TXNDC8: variants seen among roughly 807,000 people sequenced by gnomAD.
TXNDC8 encodes thioredoxin domain-containing protein 8.
In TXNDC8, 15 loss-of-function variants were observed where a neutral mutation model predicts 12.9. The ratio of observed to expected loss-of-function variants is 1.16; its 90% CI spans 0.78 to 1.79. TXNDC8 has a LOEUF of 1.79. Ranked by LOEUF, TXNDC8 falls within the 40% of genes most tolerant of loss-of-function variation. The probability of loss-of-function intolerance (pLI) is 0.00; values close to 1 mark genes in which losing one functional copy is unlikely to be tolerated. For missense variants in TXNDC8, 128 were observed against 113.2 expected, an observed-to-expected ratio of 1.13 and a Z score of -0.59; for synonymous variants, 40 against 35.4, an observed-to-expected ratio of 1.13 and a Z score of -0.46.
In TXNDC8 at chr9:110,331,870, GA is replaced by G. The variant is rs1186637992; in HGVS notation, c.129+2345del. Among the ~76,000 whole-genome samples, 7 of 152,158 alleles carry G rather than the reference GA, an allele frequency of 4.6e-5. No homozygotes were observed. The South Asian group carries it at 1.4e-3, about 32-fold the overall frequency. ...CACCTCCTGCTGTGTGGCCAGTTCC[GA>G]ATAGGCCATGCACCTGTGGAGTGGT... On this transcript the variant is annotated intron_variant, in intron 2 of 4. Transcript: ENST00000423740.
chr9:110,310,361 C>A (rs1587955191), intron 3 of TXNDC8, among the ~76,000 whole-genome samples: 1 of 152,092 alleles, frequency 6.6e-6, no homozygotes, highest in Admixed American at 6.5e-5. Flanking sequence ...CTGCTTTTCA[C>A]CTGAGTTGTT....
intron 1 of TXNDC8, among the ~76,000 whole-genome samples, chr9:110,336,478 T>C (rs529269175): frequency 6.6e-6 from 1 of 152,332 alleles, no homozygotes; most frequent in East Asian, 1.9e-4. Context: ...AGTTGTTGTT[T>C]GGGTGTGAGC....
At chr9:110,311,628 A>G (rs1321732768) in intron 3 of TXNDC8, among the ~76,000 whole-genome samples, 4 of 133,768 alleles carry the variant, frequency 3.0e-5, no homozygotes, top group Non-Finnish European at 6.2e-5. Flanking sequence ...TAATAGATAT[A>G]TATATCTCCA....
intron 3 of TXNDC8, among the ~76,000 whole-genome samples, chr9:110,324,438 CT>C (rs1438166900): frequency 6.6e-6 from 1 of 152,186 alleles, no homozygotes; most frequent in African/African-American, 2.4e-5. Context: ...AATTCTGCAG[CT>C]AGCATATCCA....
At chr9:110,317,123 G>T (rs74996672) in intron 3 of TXNDC8, among the ~76,000 whole-genome samples, 1 of 152,130 alleles carries the variant, frequency 6.6e-6, no homozygotes, top group African/African-American at 2.4e-5. Flanking sequence ...ATCTAATGTC[G>T]TGGGAATTCA....
intron 2 of TXNDC8, among the ~76,000 whole-genome samples, chr9:110,330,744 G>T (rs1309687573): frequency 6.6e-6 from 1 of 152,170 alleles, no homozygotes; most frequent in African/African-American, 2.4e-5. Context: ...ACTGGATTTT[G>T]CACTACAGCA....
downstream of TXNDC8, among the ~76,000 whole-genome samples, chr9:110,302,634 GT>G (rs369362259): frequency 1.7e-3 from 245 of 140,254 alleles, 1 homozygote; most frequent in South Asian, 0.023. Context: ...AGTTAGCTCA[GT>G]TTTTTTTTTT....
intron 3 of TXNDC8, among the ~76,000 whole-genome samples, chr9:110,311,862 C>CTA (rs146045697): frequency 0.014 from 2,043 of 143,374 alleles, 51 homozygotes; most frequent in African/African-American, 0.049. Flanking sequence ...ATACTATATA[C>CTA]TATATATATA....
chr9:110,301,549 G>A (rs1456487366), downstream of TXNDC8, among the ~76,000 whole-genome samples: 1 of 151,634 alleles, frequency 6.6e-6, no homozygotes, highest in Non-Finnish European at 1.5e-5. Flanking sequence ...GAGCAAAATT[G>A]CCTTTATTGT....
At chr9:110,324,143 A>T (rs1839218977) in intron 3 of TXNDC8, 3 of 1,128,642 alleles carry the variant, frequency 2.7e-6, no homozygotes, top group Non-Finnish European at 3.6e-6. Flanking sequence ...TGATGGATAG[A>T]GGCCTGAAGC....
chr9:110,332,121 G>C (rs1249354644), intron 2 of TXNDC8, among the ~76,000 whole-genome samples: 2 of 152,198 alleles, frequency 1.3e-5, no homozygotes, highest in African/African-American at 4.8e-5. Flanking sequence ...CTGAACACTA[G>C]ATATTCTGTG....
chr9:110,304,672 T>A, intron 3 of TXNDC8, 140 bp from the exon 5 acceptor site: 1 of 678,110 alleles, frequency 1.5e-6, no homozygotes, highest in Non-Finnish European at 2.3e-6. Flanking sequence ...TGCTAAGAGT[T>A]AGGTGGCAGC....
intron 2 of TXNDC8, among the ~76,000 whole-genome samples, chr9:110,326,990 T>C (rs967511736): frequency 7.8e-6 from 1 of 128,870 alleles, no homozygotes; most frequent in African/African-American, 2.9e-5. Flanking sequence ...AGACATACTG[T>C]ATTATAATTT....
chr9:110,325,117 C>G (rs1839255810), intron 3 of TXNDC8, among the ~76,000 whole-genome samples: 1 of 151,776 alleles, frequency 6.6e-6, no homozygotes, highest in African/African-American at 2.4e-5. Context: ...AAGACTCCAT[C>G]CCCCCACCCC....
intron 3 of TXNDC8, among the ~76,000 whole-genome samples, chr9:110,315,681 A>ATT (rs398046800): frequency 4.1e-4 from 59 of 143,760 alleles, no homozygotes; most frequent in East Asian, 2.7e-3. Flanking sequence ...TAATTTTTGT[A>ATT]TTTTTTTTTT....
intron 3 of TXNDC8, among the ~76,000 whole-genome samples, chr9:110,304,833 A>G (rs1356951690): frequency 6.6e-6 from 1 of 152,040 alleles, no homozygotes; most frequent in African/African-American, 2.4e-5. Context: ...TAATAAATTC[A>G]TTTTGCCTGT....
At chr9:110,304,763 C>T (rs546590236) in intron 3 of TXNDC8, among the ~76,000 whole-genome samples, 23 of 152,244 alleles carry the variant, frequency 1.5e-4, no homozygotes, top group East Asian at 1.9e-4. Flanking sequence ...AAGATAAGAA[C>T]GTCTGGTGGA....
chr9:110,322,336 C>T, intron 3 of TXNDC8: 1 of 974,812 alleles, frequency 1.0e-6, no homozygotes, highest in Non-Finnish European at 1.2e-6. Flanking sequence ...GAAGTGTAAT[C>T]ATCTTAATGG....
At chr9:110,318,319 A>G (rs948077135) in intron 3 of TXNDC8, among the ~76,000 whole-genome samples, 4 of 152,142 alleles carry the variant, frequency 2.6e-5, no homozygotes, top group African/African-American at 9.7e-5. Context: ...ACTAAATCTT[A>G]GTTATGAATA....
Sources: allele counts gnomAD v4.1 joint callset (sites outside exome capture counted in the v4.1 genomes callset), GRCh38; gene constraint gnomAD v4.1.1; transcripts MANE v1.5; gene names NCBI Gene and HGNC (gene_info 2026-07-23, HGNC 2026-07-21).